Variants in RCL1 observed in about 807,000 individuals in gnomAD.
The protein encoded by RCL1 is RNA 3'-terminal phosphate cyclase-like protein.
A neutral mutation model predicts 42.4 loss-of-function variants in RCL1; 24 were observed. The ratio of observed to expected loss-of-function variants is 0.57; its 90% CI spans 0.41 to 0.80. The LOEUF (loss-of-function observed/expected upper bound fraction) is 0.80. Ranked by LOEUF, RCL1 falls within the 30% of genes least tolerant of loss-of-function variation. The probability of loss-of-function intolerance (pLI) is 0.00; values close to 1 mark genes in which losing one functional copy is unlikely to be tolerated. For synonymous variants in RCL1, 228 were observed against 177.3 expected (o/e 1.29, Z -2.27); for missense variants, 578 against 467.9 (o/e 1.24, Z -2.17).
intron 1 of RCL1, among the ~76,000 whole-genome samples, chr9:4,810,239 T>C (rs1408924740): frequency 2.0e-5 from 3 of 152,226 alleles, no homozygotes; most frequent in African/African-American, 7.2e-5. Flanking sequence ...CCAATAAATG[T>C]ACAGTTTGAT....
At chr9:4,838,632 G>A (rs1203319674) in intron 5 of RCL1, among the ~76,000 whole-genome samples, 1 of 152,178 alleles carries the variant, frequency 6.6e-6, no homozygotes, top group East Asian at 1.9e-4. Flanking sequence ...GGAACATTGG[G>A]GAAGGGGAAG....
At chr9:4,838,059 G>T (rs1354007361) in intron 5 of RCL1, among the ~76,000 whole-genome samples, 3 of 152,184 alleles carry the variant, frequency 2.0e-5, no homozygotes, top group Admixed American at 2.0e-4. Flanking sequence ...CAGTTTTGGA[G>T]CCTGGGAAAA....
intron 8 of RCL1, chr9:4,850,207 C>A: frequency 2.1e-6 from 1 of 483,506 alleles, no homozygotes; most frequent in Non-Finnish European, 4.5e-6. Context: ...TGTGTGTTTT[C>A]ACGTGCTTGC....
intron 8 of RCL1, among the ~76,000 whole-genome samples, chr9:4,856,369 C>G (rs1817962333): frequency 6.6e-6 from 1 of 152,198 alleles, no homozygotes; most frequent in Non-Finnish European, 1.5e-5. Flanking sequence ...CTCCTAAATT[C>G]TATCCAGTGC....
intron 1 of RCL1, among the ~76,000 whole-genome samples, chr9:4,798,077 T>C (rs1017723238): frequency 1.3e-5 from 2 of 152,192 alleles, no homozygotes; most frequent in Non-Finnish European, 2.9e-5. Flanking sequence ...AGATAGTTGG[T>C]GAAGACAAAC....
At position 4,860,669 on chromosome 9, in the gene RCL1, CT is replaced by C. The variant is rs1818143105; in HGVS notation, c.*397del. 12 of 170,796 alleles carry C rather than the reference CT, an allele frequency of 7.0e-5. No homozygotes were observed. The South Asian group carries it at 1.7e-3, about 25-fold the overall frequency. The allele number at this position is 170,796 out of a possible 1,614,324, so 10.6% of individuals were successfully genotyped here. A position where few individuals can be genotyped will look rare whatever the true frequency, so the allele number is the denominator to read the frequency against. ...CAAACCTGTGGAGTCTGTTACTGTT[CT>C]TTCTGCAAGGACTCACCTCCTTGAG... On this transcript the variant is annotated 3_prime_UTR_variant, in exon 9 of 9. Transcript: ENST00000381750.
intron 1 of RCL1, among the ~76,000 whole-genome samples, chr9:4,810,587 T>A (rs1463553214): frequency 2.6e-5 from 4 of 152,184 alleles, no homozygotes; most frequent in Non-Finnish European, 5.9e-5. Context: ...AAATTTGGCT[T>A]GTTTCCACTT....
chr9:4,850,284 G>C (rs746943728), intron 8 of RCL1: 1 of 532,814 alleles, frequency 1.9e-6, no homozygotes, highest in African/African-American at 1.9e-5. Flanking sequence ...TATTCAGGTA[G>C]ATATGAGACT....
intron 8 of RCL1, among the ~76,000 whole-genome samples, chr9:4,857,970 G>C (rs1818020750): frequency 9.2e-6 from 1 of 108,216 alleles, no homozygotes; most frequent in African/African-American, 3.6e-5. Flanking sequence ...TTACTCTGTT[G>C]CCCAGGTGGG....
intron 3 of RCL1, among the ~76,000 whole-genome samples, chr9:4,830,259 G>C (rs1432888006): frequency 1.3e-5 from 2 of 152,220 alleles, no homozygotes; most frequent in Non-Finnish European, 2.9e-5. Flanking sequence ...GGAAAGTTAG[G>C]AGATTCTTCC....
chr9:4,793,145 A>G lies in RCL1; in HGVS notation c.54A>G (p.Gln18=), dbSNP rs893729732. The G allele has an allele frequency of 2.5e-6, 4 of 1,612,230 alleles. No homozygotes were observed. Among genetic ancestry groups the G allele is most frequent in the South Asian group, 1.1e-5 (1 of 90,646 alleles). The change falls in exon 1 of 9, where the codon CAA becomes CAG. Residue 18 remains glutamine (Q), a synonymous_variant. Coordinates refer to ENST00000381750, the MANE Select transcript of RCL1 (RefSeq NM_005772.5). ...LSYAGCNFLR[Q]RLVLSTLSGR... ...ACGCAGGGTGCAACTTCTTGCGCCA[A>G]CGTCTGGTCCTGTCTACCCTGAGCG...
intron 8 of RCL1, among the ~76,000 whole-genome samples, chr9:4,853,140 T>A (rs1198452432): frequency 6.6e-6 from 1 of 151,866 alleles, no homozygotes; most frequent in Admixed American, 6.6e-5. Flanking sequence ...CATAATAACT[T>A]ATCTGGTTTT....
chr9:4,848,271 C>G (rs1224453545), intron 7 of RCL1, among the ~76,000 whole-genome samples: 1 of 152,162 alleles, frequency 6.6e-6, no homozygotes, highest in East Asian at 1.9e-4. Context: ...TGTTTTCTGT[C>G]CTTTATTAAC....
At position 4,847,272 on chromosome 9, in the gene RCL1, T is replaced by C. The variant is rs1008965415; in HGVS notation, c.868-2175T>C. ...CTTTTAGTTATTCAGAAAACTTCCT[T>C]TTTATGTCTATGATCTTTAATTATT... is the stretch of plus-strand genomic sequence containing the variant. On this transcript the variant is annotated intron_variant, in intron 7 of 8. Coordinates refer to ENST00000381750, the MANE Select transcript of RCL1 (RefSeq NM_005772.5). Among the ~76,000 whole-genome samples the C allele has an allele frequency of 7.2e-5, 11 of 152,318 alleles. No individual in the cohort carries two copies. In the East Asian group the frequency reaches 1.9e-3, roughly 27 times the overall value.
intron 1 of RCL1, among the ~76,000 whole-genome samples, chr9:4,793,917 A>G (rs1046988053): frequency 5.3e-4 from 81 of 152,198 alleles, no homozygotes; most frequent in Admixed American, 4.8e-3. Context: ...CAGGCTTCCA[A>G]GCTCACTTCT....
At chr9:4,857,158 G>A (rs911028644) in intron 8 of RCL1, among the ~76,000 whole-genome samples, 2 of 152,164 alleles carry the variant, frequency 1.3e-5, no homozygotes, top group African/African-American at 4.8e-5. Flanking sequence ...GTTTTTTAGT[G>A]TATTCACAGA....
At chr9:4,834,447 C>A (rs546480390) in intron 5 of RCL1, among the ~76,000 whole-genome samples, 182 bp downstream of exon 5, 3 of 151,422 alleles carry the variant, frequency 2.0e-5, no homozygotes, top group Admixed American at 6.6e-5. Flanking sequence ...TCTGCCTCAC[C>A]ATGACTAGAT....
chr9:4,803,770 A>G (rs1238224029), intron 1 of RCL1: 1 of 167,482 alleles, frequency 6.0e-6, no homozygotes, highest in African/African-American at 2.4e-5. Flanking sequence ...GGCGTGGGTC[A>G]TATCCACTGT....
intron 1 of RCL1, among the ~76,000 whole-genome samples, chr9:4,808,950 A>C (rs1816073834): frequency 6.6e-6 from 1 of 152,226 alleles, no homozygotes; most frequent in African/African-American, 2.4e-5. Flanking sequence ...TGCAGGTTAC[A>C]TCCTTTATTG....
Sources: allele counts gnomAD v4.1 joint callset (sites outside exome capture counted in the v4.1 genomes callset), GRCh38; gene constraint gnomAD v4.1.1; transcripts MANE v1.5; gene names NCBI Gene and HGNC (gene_info 2026-07-23, HGNC 2026-07-21).